Variants in BANK1 observed in about 807,000 individuals in gnomAD.
The protein encoded by BANK1 is B cell scaffold protein with ankyrin repeats 1.
BANK1 carries 95 observed loss-of-function variants against 94.5 expected under a neutral mutation model. The ratio of observed to expected loss-of-function variants is 1.00; its 90% CI spans 0.85 to 1.19. The LOEUF (loss-of-function observed/expected upper bound fraction) is 1.19, where lower values mean the gene tolerates loss of function less well. Among genes scored for constraint, BANK1 ranks in the 50% most tolerant of loss-of-function variants. BANK1 has a pLI of 0.00. For synonymous variants in BANK1, 334 were observed against 308.4 expected (o/e 1.08, Z -0.87); for missense variants, 987 against 932.2 (o/e 1.06, Z -0.77).
chr4:101,821,063 A>G (rs1291814301), intron 1 of BANK1, among the ~76,000 whole-genome samples: 3 of 152,118 alleles, frequency 2.0e-5, no homozygotes, highest in African/African-American at 7.2e-5. Flanking sequence ...TTACATTCCC[A>G]CCAACACTGT....
At chr4:101,845,631 A>AATTCTTTG (rs1727214815) in intron 2 of BANK1, among the ~76,000 whole-genome samples, 2 of 152,220 alleles carry the variant, frequency 1.3e-5, no homozygotes, top group Admixed American at 1.3e-4. Context: ...AATTGACAAC[A>AATTCTTTG]TATAGCTGCC....
intron 2 of BANK1, among the ~76,000 whole-genome samples, chr4:101,834,689 T>C (rs1726758941): frequency 6.6e-6 from 1 of 152,332 alleles, no homozygotes; most frequent in East Asian, 1.9e-4. Flanking sequence ...ATTCAGATTT[T>C]ACTGTCCCTT....
intron 5 of BANK1, among the ~76,000 whole-genome samples, chr4:101,886,145 G>A (rs1728847213): frequency 6.6e-6 from 1 of 152,148 alleles, no homozygotes; most frequent in Non-Finnish European, 1.5e-5. Context: ...AGGACCAAGG[G>A]TACTGTAAGA....
chr4:101,861,977 C>A (rs953998814), intron 3 of BANK1, among the ~76,000 whole-genome samples: 5 of 152,072 alleles, frequency 3.3e-5, no homozygotes, highest in African/African-American at 7.2e-5. Context: ...CCATGGCAGA[C>A]ACTTACCACA....
chr4:102,028,639 T>C (rs947405017), intron 9 of BANK1, among the ~76,000 whole-genome samples: 1 of 152,216 alleles, frequency 6.6e-6, no homozygotes, highest in African/African-American at 2.4e-5. Flanking sequence ...AAAGCCTTCA[T>C]TGGCCTTGTA....
intron 7 of BANK1, among the ~76,000 whole-genome samples, chr4:102,015,050 A>G (rs1726646716): frequency 6.6e-6 from 1 of 151,912 alleles, no homozygotes; most frequent in South Asian, 2.1e-4. Flanking sequence ...TCTTTTTCCT[A>G]TCTTCTCACC....
intron 2 of BANK1, among the ~76,000 whole-genome samples, chr4:101,838,026 C>T (rs931848856): frequency 6.6e-6 from 1 of 151,910 alleles, no homozygotes; most frequent in African/African-American, 2.4e-5. Context: ...GTGGTGGGAC[C>T]TGGGCTCACT....
chr4:101,973,772 A>C (rs533265130), intron 7 of BANK1, among the ~76,000 whole-genome samples: 14 of 152,094 alleles, frequency 9.2e-5, no homozygotes, highest in African/African-American at 3.4e-4. Flanking sequence ...AACAAAAGTA[A>C]TATTATCTTT....
At chr4:101,846,576 C>A (rs549686389) in intron 2 of BANK1, among the ~76,000 whole-genome samples, 1 of 152,114 alleles carries the variant, frequency 6.6e-6, no homozygotes, top group Non-Finnish European at 1.5e-5. Flanking sequence ...TCTGCATGGC[C>A]AAGAAGGCCT....
At chr4:101,811,633 T>C (rs1445069520) in intron 1 of BANK1, among the ~76,000 whole-genome samples, 1 of 152,168 alleles carries the variant, frequency 6.6e-6, no homozygotes, top group Non-Finnish European at 1.5e-5. Flanking sequence ...CATGATACAT[T>C]TTAAAAATGC....
chr4:101,904,485 G>A (rs1483493524), intron 6 of BANK1, among the ~76,000 whole-genome samples: 1 of 152,160 alleles, frequency 6.6e-6, no homozygotes, highest in Non-Finnish European at 1.5e-5. Flanking sequence ...CATTTTAAAG[G>A]TATAGGTTCT....
chr4:102,008,645 A>C (rs1385714394), intron 7 of BANK1, among the ~76,000 whole-genome samples: 1 of 152,210 alleles, frequency 6.6e-6, no homozygotes, highest in African/African-American at 2.4e-5. Flanking sequence ...CCTACCAAGG[A>C]GAAACAGCCC....
chr4:101,843,918 T>C (rs1272796245), intron 2 of BANK1, among the ~76,000 whole-genome samples: 2 of 151,928 alleles, frequency 1.3e-5, no homozygotes, highest in African/African-American at 4.8e-5. Context: ...CAAGACTCGG[T>C]CTCAAAAAAA....
intron 4 of BANK1, among the ~76,000 whole-genome samples, chr4:101,870,283 A>C (rs1261842344): frequency 6.6e-6 from 1 of 152,016 alleles, no homozygotes; most frequent in African/African-American, 2.4e-5. Context: ...TTATTTTAAC[A>C]TGTTTTTATA....
chr4:101,909,076 T>C (rs1722566907), intron 6 of BANK1, among the ~76,000 whole-genome samples: 2 of 152,210 alleles, frequency 1.3e-5, no homozygotes. Context: ...CTAAGGATTA[T>C]AAATCATGCT....
intron 11 of BANK1, among the ~76,000 whole-genome samples, chr4:102,058,860 G>A (rs558073337): frequency 2.6e-5 from 4 of 151,886 alleles, no homozygotes; most frequent in African/African-American, 7.2e-5. Flanking sequence ...GAAAGCCCCC[G>A]TGGGAATCAG....
chr4:101,792,783 A>G (rs1164754839), intron 1 of BANK1, among the ~76,000 whole-genome samples: 1 of 152,198 alleles, frequency 6.6e-6, no homozygotes, highest in East Asian at 1.9e-4. Flanking sequence ...GTATACTGCC[A>G]TCAGAGATTT....
At chr4:101,803,358 G>A (rs1445621177) in intron 1 of BANK1, among the ~76,000 whole-genome samples, 7 of 152,086 alleles carry the variant, frequency 4.6e-5, no homozygotes, top group Admixed American at 4.6e-4. Context: ...TATAGTATAG[G>A]GAAATTGGCA....
rs1722725001 is a variant in BANK1, at chr4:101,913,255, GAAATA to G, written c.1010-4733_1010-4729del. Among the ~76,000 whole-genome samples, 4 of 152,216 alleles carry G rather than the reference GAAATA, an allele frequency of 2.6e-5. No homozygotes were observed. The South Asian group carries it at 8.3e-4, about 32-fold the overall frequency. On this transcript the variant is annotated intron_variant, in intron 6 of 16. Coordinates refer to ENST00000322953, the MANE Select transcript of BANK1 (RefSeq NM_017935.5). Reference sequence around the variant, plus strand: ...AAAAGAATGCAAACACATTTGTATAGAAATAAAATTTCTAGAGGCTTCTTATTTTA... The same window carrying G: ...AAAAGAATGCAAACACATTTGTATAGAAATTTCTAGAGGCTTCTTATTTTA...
Sources: allele counts gnomAD v4.1 joint callset (sites outside exome capture counted in the v4.1 genomes callset), GRCh38; gene constraint gnomAD v4.1.1; transcripts MANE v1.5; gene names NCBI Gene and HGNC (gene_info 2026-07-23, HGNC 2026-07-21).